Variants in NUP54 observed in about 807,000 individuals in gnomAD.
NUP54 encodes nucleoporin 54.
Under a neutral mutation model 66.4 loss-of-function variants are expected in NUP54, and 27 were observed. That is an observed-to-expected ratio of 0.41 (90% CI 0.30 to 0.56). NUP54 has a LOEUF of 0.56. NUP54 is among the 20% of genes least tolerant of loss of function. The pLI is 0.34. For synonymous variants in NUP54, 206 were observed against 210.7 expected (o/e 0.98, Z 0.19); for missense variants, 486 against 596.3 (o/e 0.82, Z 1.93).
intron 8 of NUP54, among the ~76,000 whole-genome samples, chr4:76,129,854 G>A (rs1415387601): frequency 1.2e-5 from 1 of 86,868 alleles, no homozygotes; most frequent in Non-Finnish European, 2.0e-5. Flanking sequence ...GACAGAGCGA[G>A]AGACGTCTCA....
Position 76,134,253 on chromosome 4 carries a change from T to C in NUP54, c.632A>G (p.Glu211Gly), listed in dbSNP as rs1730935012. The change falls in exon 5 of 12, where the codon GAA (glutamate) becomes GGA (glycine). Residue 211 changes from glutamate to glycine, a missense_variant. Transcript: ENST00000264883. ...TCCTCCCAAAACTTTATGCAATGAT[T>C]CTACCAACTGTTGTTGTTGGCTTCG... ...EIRSQQQQLV[E>G]SLHKVLGGNQ... is the part of the protein sequence containing the mutation. The C allele has an allele frequency of 1.2e-6, 2 of 1,613,786 alleles. No individual in the cohort carries two copies. The highest frequency in any genetic ancestry group is 1.7e-6 in the Non-Finnish European group (2 of 1,179,722).
At chr4:76,140,742 G>A (rs1232484857) in intron 3 of NUP54, among the ~76,000 whole-genome samples, 2 of 152,186 alleles carry the variant, frequency 1.3e-5, no homozygotes, top group Non-Finnish European at 2.9e-5. Flanking sequence ...GAGACCTGAG[G>A]TTGGTGATCA....
At chr4:76,146,735 T>C (rs1022011800) in intron 1 of NUP54, among the ~76,000 whole-genome samples, 9 of 152,216 alleles carry the variant, frequency 5.9e-5, no homozygotes, top group South Asian at 2.1e-4. Flanking sequence ...ATTTTAAATG[T>C]ATATATCATT....
chr4:76,123,403 T>C (rs976683300), intron 9 of NUP54, among the ~76,000 whole-genome samples: 1 of 152,236 alleles, frequency 6.6e-6, no homozygotes, highest in African/African-American at 2.4e-5. Context: ...GTATTTGTTT[T>C]CTTACTTCTC....
chr4:76,130,526 T>C (rs1263200526), intron 8 of NUP54, 130 bp downstream of exon 8: 2 of 593,634 alleles, frequency 3.4e-6, no homozygotes, highest in African/African-American at 3.7e-5. Context: ...TATAAAACTA[T>C]TAAATTGCAG....
At chr4:76,123,962 T>A (rs1730350296) in intron 9 of NUP54, among the ~76,000 whole-genome samples, 1 of 152,256 alleles carries the variant, frequency 6.6e-6, no homozygotes, top group African/African-American at 2.4e-5. Context: ...AACAGTTTTT[T>A]AATTTATTCT....
intron 3 of NUP54, among the ~76,000 whole-genome samples, chr4:76,138,668 G>A (rs1452150026): frequency 3.3e-5 from 5 of 152,194 alleles, no homozygotes; most frequent in African/African-American, 7.2e-5. Flanking sequence ...AAGCCTGAGA[G>A]AGGGGTCAAG....
rs370611008 is a variant in NUP54, at chr4:76,115,891, ATGG to A, written c.1396-400_1396-398del. Among the ~76,000 whole-genome samples the A allele has an allele frequency of 2.1e-3, 315 of 152,326 alleles. 2 individuals are homozygous for A. The highest frequency in any genetic ancestry group is 7.3e-3 in the African/African-American group (302 of 41,580). ...TTGAAGTACAAAGTACATAGTGATA[ATGG>A]TGGTGATGACTACAGATGCTAACAT... On this transcript the variant is annotated intron_variant, in intron 11 of 11. Transcript: ENST00000264883.
chr4:76,124,999 GA>G (rs201361690), intron 8 of NUP54, among the ~76,000 whole-genome samples: 2,344 of 152,074 alleles, frequency 0.015, 55 homozygotes, highest in African/African-American at 0.053. Context: ...GCAATACATA[GA>G]AAAAATAAGC....
intron 9 of NUP54, among the ~76,000 whole-genome samples, chr4:76,119,861 T>C (rs959275028): frequency 5.9e-5 from 9 of 152,080 alleles, no homozygotes; most frequent in Non-Finnish European, 1.0e-4. Flanking sequence ...AACACACACA[T>C]AGACCGACTG....
intron 9 of NUP54, among the ~76,000 whole-genome samples, chr4:76,123,849 C>T (rs192110728): frequency 3.5e-4 from 54 of 152,170 alleles, no homozygotes; most frequent in African/African-American, 1.0e-3. Context: ...TGTATATCTA[C>T]GGTGATGCCT....
intron 3 of NUP54, 96 bp from the exon 4 acceptor site, chr4:76,136,508 G>C: frequency 2.4e-6 from 2 of 825,044 alleles, no homozygotes; most frequent in South Asian, 3.3e-5. Context: ...CCCCCTCCAA[G>C]ATGCCCATAT....
At chr4:76,146,690 T>C (rs1233523682) in intron 1 of NUP54, among the ~76,000 whole-genome samples, 2 of 152,324 alleles carry the variant, frequency 1.3e-5, no homozygotes, top group East Asian at 3.9e-4. Context: ...CAAGTTTTTT[T>C]CTACAGTGTC....
chr4:76,123,134 T>C (rs1730305763), intron 9 of NUP54, among the ~76,000 whole-genome samples: 1 of 152,226 alleles, frequency 6.6e-6, no homozygotes, highest in East Asian at 1.9e-4. Flanking sequence ...ATTGTGGTAA[T>C]AACGGTTATA....
At chr4:76,130,561 A>C in intron 8 of NUP54, 95 bp downstream of exon 8, 1 of 792,162 alleles carries the variant, frequency 1.3e-6, no homozygotes, top group Non-Finnish European at 2.1e-6. Context: ...TTTCCTGATT[A>C]AGATAAAACA....
At chr4:76,136,485 G>A in intron 3 of NUP54, 73 bp from the exon 4 acceptor site, 1 of 1,217,212 alleles carries the variant, frequency 8.2e-7, no homozygotes, top group Admixed American at 2.0e-5. Flanking sequence ...AGGCGTGGTA[G>A]GCAAAATAAT....
At chr4:76,121,478 G>T (rs537586730) in intron 9 of NUP54, among the ~76,000 whole-genome samples, 2 of 151,992 alleles carry the variant, frequency 1.3e-5, no homozygotes, top group Non-Finnish European at 2.9e-5. Flanking sequence ...TAGAGACAGG[G>T]TCTCCCTATG....
intron 8 of NUP54, among the ~76,000 whole-genome samples, chr4:76,129,104 A>T (rs1730666719): frequency 6.6e-6 from 1 of 152,214 alleles, no homozygotes; most frequent in African/African-American, 2.4e-5. Flanking sequence ...ACAAATGATA[A>T]ATGTATGGGG....
intron 4 of NUP54, among the ~76,000 whole-genome samples, chr4:76,134,957 A>G (rs1730970408): frequency 6.6e-6 from 1 of 152,126 alleles, no homozygotes; most frequent in Non-Finnish European, 1.5e-5. Flanking sequence ...GATGCTTGGT[A>G]GGTTAGGTGT....
Sources: allele counts gnomAD v4.1 joint callset (sites outside exome capture counted in the v4.1 genomes callset), GRCh38; gene constraint gnomAD v4.1.1; transcripts MANE v1.5; gene names NCBI Gene and HGNC (gene_info 2026-07-23, HGNC 2026-07-21).